CCDC91: variants seen among roughly 807,000 people sequenced by gnomAD.
CCDC91 encodes coiled-coil domain containing 91, also known as coiled-coil domain-containing protein 91.
A neutral mutation model predicts 63.2 loss-of-function variants in CCDC91; 48 were observed. The observed-to-expected ratio is 0.76, with a 90% CI of 0.60 to 0.97. The LOEUF (loss-of-function observed/expected upper bound fraction) is 0.97, where lower values mean the gene tolerates loss of function less well. Among genes scored for constraint, CCDC91 ranks in the 50% least tolerant of loss-of-function variants. The pLI is 0.00. For synonymous variants in CCDC91, 167 were observed against 165.8 expected (o/e 1.01, Z -0.06); for missense variants, 500 against 494.6 (o/e 1.01, Z -0.10).
At chr12:28,238,705 A>G (rs1185297440) in intron 1 of CCDC91, among the ~76,000 whole-genome samples, 3 of 152,196 alleles carry the variant, frequency 2.0e-5, no homozygotes, top group African/African-American at 4.8e-5. Flanking sequence ...ATGTATCTAC[A>G]TAATATATCT....
chr12:28,325,217 G>A (rs1348012099), intron 6 of CCDC91, among the ~76,000 whole-genome samples: 2 of 151,974 alleles, frequency 1.3e-5, no homozygotes, highest in Non-Finnish European at 2.9e-5. Context: ...CAATGGCAAT[G>A]TTTGGTTATT....
chr12:28,306,069 T>A (rs1421981236), intron 4 of CCDC91, among the ~76,000 whole-genome samples: 1 of 152,076 alleles, frequency 6.6e-6, no homozygotes, highest in African/African-American at 2.4e-5. Context: ...TTTACTTGGC[T>A]TTGCATTTCA....
intron 1 of CCDC91, chr12:28,236,142 C>G (rs1190242156): frequency 6.6e-6 from 1 of 151,830 alleles, no homozygotes; most frequent in East Asian, 1.9e-4. Context: ...AGTTTGATCT[C>G]TATATTTTAT....
intron 7 of CCDC91, among the ~76,000 whole-genome samples, chr12:28,368,503 G>A (rs1276613471): frequency 6.6e-6 from 1 of 152,184 alleles, no homozygotes; most frequent in Non-Finnish European, 1.5e-5. Context: ...TCTCTATGCA[G>A]TTGATAATCT....
At chr12:28,442,594 A>G (rs552355266) in intron 8 of CCDC91, among the ~76,000 whole-genome samples, 2 of 152,224 alleles carry the variant, frequency 1.3e-5, no homozygotes, top group South Asian at 4.1e-4. Context: ...ACAAAAATAT[A>G]CTTTCAACTT....
At chr12:28,307,319 G>T (rs1938853383) in intron 5 of CCDC91, among the ~76,000 whole-genome samples, 1 of 151,876 alleles carries the variant, frequency 6.6e-6, no homozygotes, top group South Asian at 2.1e-4. Context: ...TAGGTATACA[G>T]CCATTTTAGT....
rs563056414 is a variant in CCDC91 at position 28,195,383 on chromosome 12, A to C, written c.-15+4742A>C. ...GGTGCATTTACAATCCTTTAGCTAG[A>C]TAGAAAAGTTCTCCAAGTCCCCACC... On this transcript the variant is annotated intron_variant, in intron 1 of 12. Transcript: ENST00000536442. Among the ~76,000 whole-genome samples the C allele has an allele frequency of 4.6e-5, 7 of 152,280 alleles. No individual in the cohort carries two copies. The South Asian group carries it at 1.4e-3, about 32-fold the overall frequency.
intron 7 of CCDC91, among the ~76,000 whole-genome samples, chr12:28,372,775 A>T (rs1273510184): frequency 6.6e-6 from 1 of 152,096 alleles, no homozygotes; most frequent in Non-Finnish European, 1.5e-5. Context: ...TCATTGGCAA[A>T]CAGAGATAGT....
chr12:28,453,401 T>C (rs1386570111), intron 11 of CCDC91, among the ~76,000 whole-genome samples: 1 of 152,012 alleles, frequency 6.6e-6, no homozygotes, highest in Non-Finnish European at 1.5e-5. Flanking sequence ...AATTGTTCAT[T>C]CACATTATAA....
chr12:28,251,381 G>T (rs889152875), intron 1 of CCDC91, among the ~76,000 whole-genome samples: 5 of 152,002 alleles, frequency 3.3e-5, no homozygotes, highest in Non-Finnish European at 5.9e-5. Flanking sequence ...ATGGGAAGAT[G>T]TTATAATGGA....
chr12:28,434,691 CA>C (rs570489089), intron 8 of CCDC91, among the ~76,000 whole-genome samples: 6 of 139,052 alleles, frequency 4.3e-5, no homozygotes, highest in Non-Finnish European at 9.2e-5. Flanking sequence ...ATCTTCTGGA[CA>C]AAATTATATT....
intron 8 of CCDC91, among the ~76,000 whole-genome samples, chr12:28,430,540 C>T (rs1308358458): frequency 6.6e-6 from 1 of 151,906 alleles, no homozygotes; most frequent in Non-Finnish European, 1.5e-5. Flanking sequence ...TAGAATAAAC[C>T]TAAGAAATTA....
intron 12 of CCDC91, among the ~76,000 whole-genome samples, chr12:28,518,444 G>A (rs1224627250): frequency 6.6e-6 from 1 of 151,474 alleles, no homozygotes; most frequent in Non-Finnish European, 1.5e-5. Flanking sequence ...TGATAATTGT[G>A]TATTCATTCT....
intron 8 of CCDC91, among the ~76,000 whole-genome samples, chr12:28,397,392 G>C (rs907629934): frequency 6.6e-6 from 1 of 152,154 alleles, no homozygotes; most frequent in South Asian, 2.1e-4. Context: ...TGTAGGTAGA[G>C]GGACCTATGA....
At chr12:28,464,606 C>T (rs1447849527) in intron 11 of CCDC91, among the ~76,000 whole-genome samples, 3 of 152,284 alleles carry the variant, frequency 2.0e-5, no homozygotes, top group South Asian at 4.1e-4. Context: ...AGGGAACCTG[C>T]TGCCTTGAAA....
intron 6 of CCDC91, among the ~76,000 whole-genome samples, chr12:28,348,833 C>T (rs572983384): frequency 1.3e-5 from 2 of 152,228 alleles, no homozygotes; most frequent in South Asian, 4.1e-4. Flanking sequence ...AAGCGATTCT[C>T]CCACTTCAGC....
intron 11 of CCDC91, among the ~76,000 whole-genome samples, chr12:28,452,865 T>G (rs965365520): frequency 1.3e-5 from 2 of 151,848 alleles, no homozygotes; most frequent in African/African-American, 4.8e-5. Context: ...GAAAACTTAG[T>G]AACTGACCAT....
At chr12:28,437,156 CT>C (rs67104000) in intron 8 of CCDC91, among the ~76,000 whole-genome samples, 30,618 of 151,462 alleles carry the variant, frequency 0.2, 4,053 homozygotes, top group Non-Finnish European at 0.3. Context: ...TAAAAGTGTC[CT>C]TTTTTTGTGG....
chr12:28,451,904 C>T (rs1949819201), intron 10 of CCDC91, among the ~76,000 whole-genome samples: 1 of 151,536 alleles, frequency 6.6e-6, no homozygotes, highest in African/African-American at 2.4e-5. Context: ...TTATATACTT[C>T]AACTAAAAAA....
Sources: allele counts gnomAD v4.1 joint callset (sites outside exome capture counted in the v4.1 genomes callset), GRCh38; gene constraint gnomAD v4.1.1; transcripts MANE v1.5; gene names NCBI Gene and HGNC (gene_info 2026-07-23, HGNC 2026-07-21).